SPPL3: variants seen among roughly 807,000 people sequenced by gnomAD.
SPPL3 encodes signal peptide peptidase-like 3.
In SPPL3, 5 loss-of-function variants were observed where a neutral mutation model predicts 42.4. The ratio of observed to expected loss-of-function variants is 0.12; its 90% CI spans 0.06 to 0.25. The LOEUF is 0.25. SPPL3 is among the 10% of genes least tolerant of loss of function. The pLI is 1.00. For synonymous variants in SPPL3, 195 were observed against 181.8 expected (o/e 1.07, Z -0.58); for missense variants, 235 against 489.0 (o/e 0.48, Z 4.90).
At chr12:120,902,014 A>G in intron 1 of SPPL3, 1 of 719,956 alleles carries the variant, frequency 1.4e-6, no homozygotes, top group Non-Finnish European at 1.7e-6. Context: ...CATTAGGGCC[A>G]GAGTATGAGA....
rs142713417 is a variant in SPPL3, at chr12:120,857,074, G to A, written c.24-46188C>T. Among the ~76,000 whole-genome samples, 257 of 152,252 alleles carry A rather than the reference G, an allele frequency of 1.7e-3. 1 individual carries two copies. The highest frequency in any genetic ancestry group is 6.8e-3 in the Middle Eastern group (2 of 294). ...AGAATCCAGCAGAACAGAGACAGGA[G>A]AAGAAAAGGAAGAAGGTGGCCCAAA... On this transcript the variant is annotated intron_variant, in intron 1 of 10. Coordinates refer to ENST00000353487, the MANE Select transcript of SPPL3 (RefSeq NM_139015.5).
intron 1 of SPPL3, among the ~76,000 whole-genome samples, chr12:120,875,640 A>C (rs1873063947): frequency 6.7e-6 from 1 of 150,144 alleles, no homozygotes; most frequent in Non-Finnish European, 1.5e-5. Context: ...AAAAAAAAAG[A>C]GATAAAATGG....
At chr12:120,820,306 A>ATTTTTTTTTTTTTTTT (rs11374486) in intron 1 of SPPL3, among the ~76,000 whole-genome samples, 2 of 100,998 alleles carry the variant, frequency 2.0e-5, no homozygotes, top group African/African-American at 4.1e-5. Context: ...CTTTCTCTAA[A>ATTTTTTTTTTTTTTTT]TTTTTTTTTT....
chr12:120,775,013 G>A lies in SPPL3; in HGVS notation c.503-5954C>T, dbSNP rs1869260870. On this transcript the variant is annotated intron_variant, in intron 6 of 10. Coordinates refer to ENST00000353487, the MANE Select transcript of SPPL3 (RefSeq NM_139015.5). ...CCAGTGAGTCAGGGACAAAGACAGT[G>A]ACACCAAACCGAGCTCAAATGTTCT... Among the ~76,000 whole-genome samples the A allele has an allele frequency of 2.0e-5, 3 of 152,160 alleles. 1 individual carries two copies. Among genetic ancestry groups the A allele is most frequent in the Admixed American group, 2.0e-4 (3 of 15,278 alleles).
At chr12:120,844,828 T>G (rs1210009945) in intron 1 of SPPL3, among the ~76,000 whole-genome samples, 1 of 150,512 alleles carries the variant, frequency 6.6e-6, no homozygotes, top group Non-Finnish European at 1.5e-5. Context: ...CTACATCCCC[T>G]CTCAGCACTG....
chr12:120,796,791 T>C (rs1870112662), intron 2 of SPPL3, among the ~76,000 whole-genome samples: 1 of 152,190 alleles, frequency 6.6e-6, no homozygotes, highest in Non-Finnish European at 1.5e-5. Flanking sequence ...CAATCAGGCT[T>C]TTGGAAGCAG....
chr12:120,776,498 G>A (rs1869325755), intron 6 of SPPL3, among the ~76,000 whole-genome samples: 1 of 151,890 alleles, frequency 6.6e-6, no homozygotes, highest in Non-Finnish European at 1.5e-5. Flanking sequence ...GAAGTACAAC[G>A]AATAAAATTC....
chr12:120,848,000 A>C (rs1872099441), intron 1 of SPPL3, among the ~76,000 whole-genome samples: 1 of 152,186 alleles, frequency 6.6e-6, no homozygotes, highest in Admixed American at 6.5e-5. Flanking sequence ...AAAGGGAAGT[A>C]AGGCATTATG....
At chr12:120,851,296 T>C (rs1381588740) in intron 1 of SPPL3, among the ~76,000 whole-genome samples, 1 of 152,176 alleles carries the variant, frequency 6.6e-6, no homozygotes, top group Non-Finnish European at 1.5e-5. Context: ...TGCCTGTAAA[T>C]CACTGGCCTT....
chr12:120,899,612 C>T (rs1046251702), intron 1 of SPPL3, among the ~76,000 whole-genome samples: 3 of 151,942 alleles, frequency 2.0e-5, no homozygotes, highest in East Asian at 1.9e-4. Flanking sequence ...AAAAGATCGC[C>T]GGGCACAGTG....
rs548301247 is a variant in SPPL3, at chr12:120,879,483, G to A, written c.23+24362C>T. Among the ~76,000 whole-genome samples, 3 of 152,222 alleles carry A rather than the reference G, an allele frequency of 2.0e-5. No homozygotes were observed. In the South Asian group the frequency reaches 6.2e-4, roughly 32 times the overall value. The stretch of plus-strand genomic sequence containing the variant: ...CTGTTCCAGGTATTGTTAACACGCT[G>A]AGCAAACTCTTCCCTTAAGCAAGTA... On this transcript the variant is annotated intron_variant, in intron 1 of 10. Transcript: ENST00000353487.
At chr12:120,825,469 A>G (rs998832917) in intron 1 of SPPL3, among the ~76,000 whole-genome samples, 6 of 152,204 alleles carry the variant, frequency 3.9e-5, no homozygotes, top group Admixed American at 6.5e-5. Flanking sequence ...TGGAGGTGAG[A>G]AAACAAATCC....
chr12:120,878,834 C>G (rs1368557060), intron 1 of SPPL3, among the ~76,000 whole-genome samples: 2 of 152,070 alleles, frequency 1.3e-5, no homozygotes, highest in African/African-American at 4.8e-5. Context: ...GACGATAAGG[C>G]CGGGCGCAGT....
At position 120,778,540 on chromosome 12, in the gene SPPL3, T is replaced by G. The variant is rs377447212; in HGVS notation, c.502+4115A>C. 5.9e-3 allele frequency among the ~76,000 whole-genome samples: 896 copies of G among 152,236 alleles called. 11 individuals carry two copies. Among genetic ancestry groups the G allele is most frequent in the African/African-American group, 0.02 (811 of 41,542 alleles). On this transcript the variant is annotated intron_variant, in intron 6 of 10. Transcript: ENST00000353487. ...GTCACATCACCCCCAAAACCCCTGT[T>G]TTTTCTTTATAGTCACCCTACTCCT...
intron 1 of SPPL3, among the ~76,000 whole-genome samples, chr12:120,889,279 T>G (rs1009732614): frequency 1.3e-5 from 2 of 152,228 alleles, no homozygotes; most frequent in Admixed American, 6.5e-5. Context: ...GAGGGAACTT[T>G]AACTGTGGTA....
At chr12:120,813,566 C>T (rs959536374) in intron 1 of SPPL3, among the ~76,000 whole-genome samples, 1 of 151,992 alleles carries the variant, frequency 6.6e-6, no homozygotes, top group African/African-American at 2.4e-5. Context: ...AGTGATCCAC[C>T]CGCCTCGGCC....
intron 1 of SPPL3, among the ~76,000 whole-genome samples, chr12:120,898,914 C>T (rs922340544): frequency 2.0e-5 from 3 of 152,178 alleles, no homozygotes; most frequent in Admixed American, 2.0e-4. Flanking sequence ...TTCCTTTTCC[C>T]TCACACCAAC....
At chr12:120,854,424 A>G (rs1872380321) in intron 1 of SPPL3, among the ~76,000 whole-genome samples, 1 of 152,160 alleles carries the variant, frequency 6.6e-6, no homozygotes, top group African/African-American at 2.4e-5. Flanking sequence ...CCAACATACA[A>G]TGGAGAAGTA....
intron 1 of SPPL3, among the ~76,000 whole-genome samples, chr12:120,812,339 T>C (rs1870712971): frequency 6.6e-6 from 1 of 151,838 alleles, no homozygotes; most frequent in Non-Finnish European, 1.5e-5. Context: ...ACCATGTTGG[T>C]CAGGCTGGTC....
Sources: gnomAD v4.1 joint callset for allele counts (sites outside exome capture counted in the v4.1 genomes callset) on GRCh38, gnomAD v4.1.1 for gene constraint, MANE v1.5 for transcripts, NCBI Gene and HGNC (gene_info 2026-07-23, HGNC 2026-07-21) for gene names.